Variants in C12orf42 observed in about 807,000 individuals in gnomAD.
C12orf42 encodes the protein chromosome 12 open reading frame 42.
Under a neutral mutation model 21.6 loss-of-function variants are expected in C12orf42, and 25 were observed. The ratio of observed to expected loss-of-function variants is 1.16; its 90% confidence interval spans 0.84 to 1.62. The LOEUF is 1.62. C12orf42 is among the 40% of genes most tolerant of loss of function. The pLI is 0.00. For synonymous variants in C12orf42, 174 were observed against 175.0 expected (o/e 0.99, Z 0.05); for missense variants, 483 against 459.3 (o/e 1.05, Z -0.47).
chr12:103,139,656 A>C, the C12orf42 span, among the ~76,000 whole-genome samples: 2 of 152,222 alleles, frequency 1.3e-5, no homozygotes, highest in Non-Finnish European at 2.9e-5. Context: ...TCAGAAATGA[A>C]TATAGGCTGA....
At chr12:103,527,154 G>C in the C12orf42 span, among the ~76,000 whole-genome samples, 3 of 151,974 alleles carry the variant, frequency 2.0e-5, 1 homozygote, top group East Asian at 5.8e-4. Context: ...CTGCTGAAAG[G>C]CTTCTGAGAA....
intron 3 of C12orf42, among the ~76,000 whole-genome samples, chr12:103,381,874 G>A (rs186552777): frequency 1.8e-3 from 266 of 151,816 alleles, no homozygotes; most frequent in Non-Finnish European, 2.9e-3. Flanking sequence ...CCAAGATCAC[G>A]CCACTGCACT....
intron 2 of C12orf42, among the ~76,000 whole-genome samples, chr12:103,466,715 C>T (rs993636988): frequency 6.6e-6 from 1 of 152,184 alleles, no homozygotes; most frequent in Non-Finnish European, 1.5e-5. Flanking sequence ...ATCCATATCC[C>T]TTTGCCATAT....
chr12:103,314,186 G>A (rs2039240741), intron 4 of C12orf42, among the ~76,000 whole-genome samples: 1 of 150,862 alleles, frequency 6.6e-6, no homozygotes, highest in African/African-American at 2.5e-5. Context: ...GGAAAGGGCA[G>A]GAGAGGTGTT....
chr12:103,262,726 A>G (rs988277646), intron 10 of C12orf42, among the ~76,000 whole-genome samples: 1 of 152,160 alleles, frequency 6.6e-6, no homozygotes, highest in Non-Finnish European at 1.5e-5. Context: ...TAGTTCAACC[A>G]TTGTGGAAGA....
the C12orf42 span, among the ~76,000 whole-genome samples, chr12:103,153,752 T>C: frequency 6.6e-6 from 1 of 152,028 alleles, no homozygotes; most frequent in Admixed American, 6.6e-5. Flanking sequence ...TTTGGGAGTA[T>C]CTATAATATC....
intron 2 of C12orf42, among the ~76,000 whole-genome samples, chr12:103,407,122 A>G (rs746371631): frequency 2.8e-4 from 42 of 152,148 alleles, no homozygotes; most frequent in Non-Finnish European, 5.9e-4. Flanking sequence ...TGCGATTCCA[A>G]GGTGAGCCTT....
chr12:103,424,297 C>T (rs1478503460), intron 2 of C12orf42, among the ~76,000 whole-genome samples: 1 of 152,246 alleles, frequency 6.6e-6, no homozygotes, highest in Non-Finnish European at 1.5e-5. Context: ...TATGTTGCTA[C>T]TTCCTTTTGT....
intron 10 of C12orf42, among the ~76,000 whole-genome samples, chr12:103,256,197 T>C (rs1229491541): frequency 1.4e-5 from 2 of 142,180 alleles, no homozygotes; most frequent in African/African-American, 5.2e-5. Context: ...TATACACATA[T>C]ATATATATAA....
the C12orf42 span, among the ~76,000 whole-genome samples, chr12:103,143,044 G>A: frequency 2.7e-4 from 41 of 152,300 alleles, no homozygotes; most frequent in East Asian, 1.9e-4. Flanking sequence ...CTGTCTCTGA[G>A]CAGCACGTTT....
At chr12:103,053,251 G>GT in the C12orf42 span, among the ~76,000 whole-genome samples, 17 of 151,872 alleles carry the variant, frequency 1.1e-4, no homozygotes, top group Non-Finnish European at 1.5e-4. Flanking sequence ...CTTTTATGCA[G>GT]TTTTCCCCAG....
the C12orf42 span, among the ~76,000 whole-genome samples, chr12:103,169,967 T>C: frequency 3.3e-5 from 5 of 152,066 alleles, no homozygotes; most frequent in African/African-American, 9.7e-5. Context: ...AGAATTGACA[T>C]TGAATAAAGT....
chr12:103,225,487 A>T, the C12orf42 span, among the ~76,000 whole-genome samples: 1 of 152,078 alleles, frequency 6.6e-6, no homozygotes, highest in Non-Finnish European at 1.5e-5. Context: ...ATGATCGGTC[A>T]CCAAGGAGGG....
At chr12:103,322,458 G>C (rs1473563077) in intron 4 of C12orf42, among the ~76,000 whole-genome samples, 1 of 152,096 alleles carries the variant, frequency 6.6e-6, no homozygotes, top group Non-Finnish European at 1.5e-5. Flanking sequence ...TTTCACTGCA[G>C]AGGCTACAGT....
intron 4 of C12orf42, among the ~76,000 whole-genome samples, chr12:103,329,128 G>A (rs1236507788): frequency 1.3e-5 from 2 of 151,386 alleles, no homozygotes; most frequent in African/African-American, 4.8e-5. Context: ...ACGCAGGCAT[G>A]CATTCAGAGC....
the C12orf42 span, among the ~76,000 whole-genome samples, chr12:103,106,906 T>C: frequency 6.6e-6 from 1 of 151,784 alleles, no homozygotes; most frequent in Non-Finnish European, 1.5e-5. Flanking sequence ...ATTCCTGAAA[T>C]ATAATAATGA....
intron 3 of C12orf42, chr12:103,378,768 C>A (rs993681922): frequency 6.6e-6 from 1 of 152,162 alleles, no homozygotes; most frequent in Non-Finnish European, 1.5e-5. Flanking sequence ...AATTACTTCA[C>A]CTCCCTAAGC....
the C12orf42 span, among the ~76,000 whole-genome samples, chr12:103,539,921 T>G: frequency 6.6e-6 from 1 of 152,164 alleles, no homozygotes; most frequent in Admixed American, 6.6e-5. Context: ...AATAAAAAGG[T>G]GACATGCTAA....
In C12orf42 at chr12:103,309,397, G is replaced by A. The variant is rs140845083; in HGVS notation, c.260-3052C>T. Among the ~76,000 whole-genome samples the A allele has an allele frequency of 5.8e-4, 88 of 152,176 alleles. No individual in the cohort carries two copies. In the East Asian group the frequency reaches 0.016, roughly 28 times the overall value. ...TCTTAAAAACATTTTCTTTTCTTTA[G>A]ATTACTTTATTGTAAGAATACAGTA... is the stretch of plus-strand genomic sequence containing the variant. On this transcript the variant is annotated intron_variant, in intron 4 of 5. Transcript: ENST00000548883.
Sources: allele counts gnomAD v4.1 joint callset (sites outside exome capture counted in the v4.1 genomes callset), GRCh38; gene constraint gnomAD v4.1.1; transcripts MANE v1.5; gene names NCBI Gene and HGNC (gene_info 2026-07-23, HGNC 2026-07-21).